Variants in WNT7A observed in about 807,000 individuals in gnomAD.
WNT7A encodes the protein protein Wnt-7a.
Under a neutral mutation model 28.2 loss-of-function variants are expected in WNT7A, and 16 were observed. The ratio of observed to expected loss-of-function variants is 0.57; its 90% CI spans 0.38 to 0.86. WNT7A has a LOEUF of 0.86. Among genes scored for constraint, WNT7A ranks in the 40% least tolerant of loss-of-function variants. The probability of loss-of-function intolerance (pLI) is 0.00; values close to 1 mark genes in which losing one functional copy is unlikely to be tolerated. For missense variants in WNT7A, 411 were observed against 489.7 expected, an observed-to-expected ratio of 0.84 and a Z score of 1.52; for synonymous variants, 190 against 195.9, an observed-to-expected ratio of 0.97 and a Z score of 0.25.
At chr3:13,823,964 C>T (rs113326655) in intron 3 of WNT7A, among the ~76,000 whole-genome samples, 68 of 152,316 alleles carry the variant, frequency 4.5e-4, no homozygotes, top group African/African-American at 1.6e-3. Context: ...GCTCAGCCTC[C>T]CCTGTCTTCA....
chr3:13,824,647 C>T (rs1053931563), intron 3 of WNT7A, among the ~76,000 whole-genome samples: 1 of 152,200 alleles, frequency 6.6e-6, no homozygotes, highest in African/African-American at 2.4e-5. Context: ...CCCCCAGGCC[C>T]ATGCTCTCTC....
intron 3 of WNT7A, among the ~76,000 whole-genome samples, chr3:13,839,909 G>A (rs1397302005): frequency 6.6e-6 from 1 of 152,220 alleles, no homozygotes; most frequent in Non-Finnish European, 1.5e-5. Context: ...AGGGAGCAGG[G>A]CTGGGAACCA....
At chr3:13,864,539 A>T (rs921482655) in intron 2 of WNT7A, among the ~76,000 whole-genome samples, 1 of 151,906 alleles carries the variant, frequency 6.6e-6, no homozygotes, top group Non-Finnish European at 1.5e-5. Context: ...CTTCCACTAG[A>T]TCCTCAGAGC....
At chr3:13,838,398 A>C (rs1349949811) in intron 3 of WNT7A, among the ~76,000 whole-genome samples, 1 of 152,176 alleles carries the variant, frequency 6.6e-6, no homozygotes, top group African/African-American at 2.4e-5. Flanking sequence ...GAAGGAACTG[A>C]AGACTCCCAC....
chr3:13,820,419 A>G (rs77615567), intron 3 of WNT7A, among the ~76,000 whole-genome samples: 1 of 142,932 alleles, frequency 7.0e-6, no homozygotes, highest in African/African-American at 2.6e-5. Flanking sequence ...AAAAAAAAAA[A>G]GCCTTGAGGC....
intron 3 of WNT7A, among the ~76,000 whole-genome samples, chr3:13,829,191 T>A (rs555492159): frequency 3.9e-4 from 59 of 152,192 alleles, no homozygotes; most frequent in Middle Eastern, 6.8e-3. Context: ...AATGGCAGAA[T>A]GGAAGGGTGA....
At chr3:13,852,360 A>T (rs969312154) in intron 3 of WNT7A, among the ~76,000 whole-genome samples, 2 of 152,252 alleles carry the variant, frequency 1.3e-5, no homozygotes, top group Non-Finnish European at 2.9e-5. Flanking sequence ...CAGGAGCAGC[A>T]GTAGGCTGGC....
chr3:13,818,908 C>G lies in WNT7A; in HGVS notation c.*36G>C. Reference sequence around the variant, plus strand: ...GAAACGGTCCAGTCCTCCCAGCAATCTGACTTGCAGCGGGAGGGTGGTGTG... The same window carrying G: ...GAAACGGTCCAGTCCTCCCAGCAATGTGACTTGCAGCGGGAGGGTGGTGTG... On this transcript the variant is annotated 3_prime_UTR_variant, in exon 4 of 4. Transcript: ENST00000285018. 6.5e-7 allele frequency: 1 copy of G among 1,542,572 alleles called. No individual in the cohort carries two copies. Among genetic ancestry groups the G allele is most frequent in the Non-Finnish European group, 8.8e-7 (1 of 1,139,664 alleles).
intron 3 of WNT7A, among the ~76,000 whole-genome samples, chr3:13,821,344 G>A (rs1028127742): frequency 6.6e-6 from 1 of 152,194 alleles, no homozygotes; most frequent in East Asian, 1.9e-4. Context: ...CCTGGTACAC[G>A]TATGTTAGAA....
Position 13,866,785 on chromosome 3 carries a change from G to A in WNT7A, c.298+8162C>T, listed in dbSNP as rs546503315. Among the ~76,000 whole-genome samples the A allele has an allele frequency of 3.8e-4, 58 of 152,286 alleles. No homozygotes were observed. In the South Asian group the frequency reaches 0.01, roughly 27 times the overall value. ...AACCGCGGGAGGGTTTTACACAGCA[G>A]GATGCCACACGGAGCAACACGGAGA... On this transcript the variant is annotated intron_variant, in intron 2 of 3. Transcript: ENST00000285018.
intron 3 of WNT7A, among the ~76,000 whole-genome samples, chr3:13,850,844 G>A (rs56300905): frequency 0.25 from 37,571 of 151,862 alleles, 4,890 homozygotes; most frequent in Middle Eastern, 0.31. Context: ...TCCTGCAGGG[G>A]GATGTCTACA....
At chr3:13,836,754 G>A (rs574721251) in intron 3 of WNT7A, among the ~76,000 whole-genome samples, 1 of 152,384 alleles carries the variant, frequency 6.6e-6, no homozygotes, top group East Asian at 1.9e-4. Flanking sequence ...TGAGCAGTTG[G>A]AGGAAGTGAC....
intron 1 of WNT7A, among the ~76,000 whole-genome samples, chr3:13,877,545 T>A: frequency 6.6e-6 from 1 of 152,198 alleles, no homozygotes; most frequent in East Asian, 1.9e-4. Flanking sequence ...GGGCCAAAAA[T>A]TCATAGGTGC....
At chr3:13,828,878 G>A (rs975982460) in intron 3 of WNT7A, among the ~76,000 whole-genome samples, 23 of 152,156 alleles carry the variant, frequency 1.5e-4, no homozygotes, top group African/African-American at 5.6e-4. Context: ...CAGGCACTGT[G>A]GCAGAGTCAG....
intron 1 of WNT7A, 114 bp downstream of exon 1, chr3:13,879,632 T>C: frequency 8.2e-7 from 1 of 1,215,604 alleles, no homozygotes; most frequent in Non-Finnish European, 1.2e-6. Flanking sequence ...CCACCCGGCC[T>C]CTCAGAGAAG....
At chr3:13,866,805 C>T (rs1182498057) in intron 2 of WNT7A, among the ~76,000 whole-genome samples, 4 of 152,004 alleles carry the variant, frequency 2.6e-5, no homozygotes, top group South Asian at 2.1e-4. Flanking sequence ...CGGAGCAACA[C>T]GGAGAAGATG....
At chr3:13,833,979 G>A (rs1345097932) in intron 3 of WNT7A, among the ~76,000 whole-genome samples, 2 of 152,188 alleles carry the variant, frequency 1.3e-5, no homozygotes, top group Non-Finnish European at 2.9e-5. Context: ...AAGCTCTGGA[G>A]GGGGAGGTGG....
At chr3:13,856,756 T>G (rs1200017495) in intron 2 of WNT7A, among the ~76,000 whole-genome samples, 2 of 151,816 alleles carry the variant, frequency 1.3e-5, no homozygotes, top group Non-Finnish European at 2.9e-5. Context: ...AGGTGGAGGT[T>G]GCAGTGAACC....
intron 2 of WNT7A, among the ~76,000 whole-genome samples, chr3:13,861,901 C>T (rs973313950): frequency 2.6e-5 from 4 of 152,184 alleles, no homozygotes; most frequent in Admixed American, 6.5e-5. Context: ...TCCCCCATGC[C>T]CTCCTTACCT....
Sources: allele counts gnomAD v4.1 joint callset (sites outside exome capture counted in the v4.1 genomes callset), GRCh38; gene constraint gnomAD v4.1.1; transcripts MANE v1.5; gene names NCBI Gene and HGNC (gene_info 2026-07-23, HGNC 2026-07-21).